DGLUCY: variants seen among roughly 807,000 people sequenced by gnomAD.
The protein encoded by DGLUCY is D-glutamate cyclase, mitochondrial.
DGLUCY carries 58 observed loss-of-function variants against 58.5 expected under a neutral mutation model. The observed-to-expected ratio is 0.99, with a 90% CI of 0.80 to 1.23. The LOEUF (loss-of-function observed/expected upper bound fraction) is 1.23, where lower values mean the gene tolerates loss of function less well. Among genes scored for constraint, DGLUCY ranks in the 50% most tolerant of loss-of-function variants. The pLI is 0.00. For missense variants in DGLUCY, 779 were observed against 784.7 expected, an observed-to-expected ratio of 0.99 and a Z score of 0.09; for synonymous variants, 325 against 314.1, an observed-to-expected ratio of 1.03 and a Z score of -0.37.
At chr14:91,112,236 C>G (rs1274360500), upstream of DGLUCY, among the ~76,000 whole-genome samples, 22 of 140,774 alleles carry the variant, frequency 1.6e-4, no homozygotes, top group Non-Finnish European at 2.0e-4. Context: ...GCAACAAGAG[C>G]AAAACTCTGT....
At chr14:91,076,941 T>A (rs1380882503) in intron 1 of DGLUCY, among the ~76,000 whole-genome samples, 1 of 152,092 alleles carries the variant, frequency 6.6e-6, no homozygotes, top group Non-Finnish European at 1.5e-5. Flanking sequence ...ATGATCAGAT[T>A]TTTGTTTCAG....
At chr14:91,205,783 CTTCTTCTTCTT>C (rs1567007726) in intron 12 of DGLUCY, among the ~76,000 whole-genome samples, 14 of 146,884 alleles carry the variant, frequency 9.5e-5, no homozygotes, top group Non-Finnish European at 1.5e-4. Context: ...TCTTCTTCTT[CTTCTTCTTCTT>C]CTCCGTCTCC....
intron 1 of DGLUCY, among the ~76,000 whole-genome samples, chr14:91,120,566 C>T (rs1282557313): frequency 6.6e-6 from 1 of 152,094 alleles, no homozygotes; most frequent in Admixed American, 6.6e-5. Context: ...CACCCACCAC[C>T]GCGCCTGGCT....
chr14:91,169,404 CTTCT>C (rs993592241), intron 4 of DGLUCY, among the ~76,000 whole-genome samples: 11 of 150,866 alleles, frequency 7.3e-5, no homozygotes, highest in East Asian at 5.9e-4. Context: ...TTTTCTTCTT[CTTCT>C]TTTTTTTTTT....
At chr14:91,101,921 G>A (rs1304155013) in intron 1 of DGLUCY, among the ~76,000 whole-genome samples, 3 of 152,134 alleles carry the variant, frequency 2.0e-5, no homozygotes, top group African/African-American at 4.8e-5. Context: ...TGAAACTCCT[G>A]GGCTCAAGCA....
chr14:91,159,549 A>T (rs1566973355), intron 2 of DGLUCY, among the ~76,000 whole-genome samples: 1 of 152,130 alleles, frequency 6.6e-6, no homozygotes, highest in Non-Finnish European at 1.5e-5. Context: ...TAAAAATCAT[A>T]TTTTTTAGCT....
At chr14:91,220,107 A>T (rs1887213404) in intron 13 of DGLUCY, among the ~76,000 whole-genome samples, 1 of 152,098 alleles carries the variant, frequency 6.6e-6, no homozygotes, top group African/African-American at 2.4e-5. Context: ...GTTTCCTAGG[A>T]CCAAGTCCTT....
At chr14:91,224,544 A>C in intron 13 of DGLUCY, 140 bp from the exon 14 acceptor site, 4 of 799,238 alleles carry the variant, frequency 5.0e-6, no homozygotes, top group Non-Finnish European at 5.7e-6. Context: ...CAATGGTATT[A>C]GTACTTTAAA....
intron 1 of DGLUCY, among the ~76,000 whole-genome samples, chr14:91,138,069 C>A (rs921070644): frequency 2.0e-5 from 3 of 152,160 alleles, no homozygotes; most frequent in Non-Finnish European, 4.4e-5. Flanking sequence ...CTGACACTTT[C>A]CTCTTTGGTC....
At chr14:91,123,949 A>G (rs1398225254) in intron 1 of DGLUCY, among the ~76,000 whole-genome samples, 1 of 132,946 alleles carries the variant, frequency 7.5e-6, no homozygotes, top group African/African-American at 2.9e-5. Context: ...TTTTTTTGAG[A>G]TGGAGTCTCA....
chr14:91,064,025 T>C (rs1401055076), intron 1 of DGLUCY, among the ~76,000 whole-genome samples: 1 of 152,216 alleles, frequency 6.6e-6, no homozygotes, highest in Non-Finnish European at 1.5e-5. Flanking sequence ...GTTTATATTT[T>C]GAACTTGAAG....
At chr14:91,146,849 G>A (rs2047040089) in intron 1 of DGLUCY, among the ~76,000 whole-genome samples, 1 of 152,102 alleles carries the variant, frequency 6.6e-6, no homozygotes, top group Admixed American at 6.6e-5. Flanking sequence ...GTACCATGGT[G>A]ATAGGTACCA....
intron 1 of DGLUCY, among the ~76,000 whole-genome samples, chr14:91,088,873 G>A (rs1403250603): frequency 5.3e-5 from 8 of 152,196 alleles, no homozygotes; most frequent in Non-Finnish European, 1.2e-4. Context: ...GCCCTCCCAA[G>A]CAAGGAAGTT....
chr14:91,163,568 G>A lies in DGLUCY; in HGVS notation c.103+3171G>A, dbSNP rs576472186. Among the ~76,000 whole-genome samples the A allele has an allele frequency of 1.2e-4, 18 of 152,262 alleles. No homozygotes were observed. In the East Asian group the frequency reaches 3.1e-3, roughly 26 times the overall value. On this transcript the variant is annotated intron_variant, in intron 3 of 13. Coordinates refer to ENST00000256324, the MANE Select transcript of DGLUCY (RefSeq NM_001102368.3). ...GGAGCTGGTCCTGGACATTCCCAGC[G>A]GATGGTTGCATCTGTTTCACTCCCC...
intron 1 of DGLUCY, among the ~76,000 whole-genome samples, chr14:91,075,229 C>G (rs2044000876): frequency 6.6e-6 from 1 of 152,026 alleles, no homozygotes; most frequent in Non-Finnish European, 1.5e-5. Context: ...TTTTTAAGGC[C>G]TCCTCTCTGA....
At chr14:91,150,077 G>C (rs1039491560) in intron 1 of DGLUCY, among the ~76,000 whole-genome samples, 7 of 152,014 alleles carry the variant, frequency 4.6e-5, no homozygotes, top group African/African-American at 1.7e-4. Flanking sequence ...AAATTAGCCA[G>C]GCATGGTGGT....
At chr14:91,113,506 TCA>T (rs2140103186), upstream of DGLUCY, among the ~76,000 whole-genome samples, 1 of 152,252 alleles carries the variant, frequency 6.6e-6, no homozygotes, top group African/African-American at 2.4e-5. Context: ...GCTTATTATC[TCA>T]GTCAATCGTC....
intron 1 of DGLUCY, among the ~76,000 whole-genome samples, chr14:91,082,251 A>G (rs2044139964): frequency 6.6e-6 from 1 of 152,176 alleles, no homozygotes; most frequent in Non-Finnish European, 1.5e-5. Flanking sequence ...GAGGAATTCC[A>G]AGATAAAAAG....
At chr14:91,100,070 A>AG (rs1366714545) in intron 1 of DGLUCY, among the ~76,000 whole-genome samples, 19 of 148,626 alleles carry the variant, frequency 1.3e-4, no homozygotes, top group Non-Finnish European at 1.9e-4. Flanking sequence ...AAAAAAAAAA[A>AG]AAAAAGAAGA....
Sources: gnomAD v4.1 joint callset for allele counts (sites outside exome capture counted in the v4.1 genomes callset) on GRCh38, gnomAD v4.1.1 for gene constraint, MANE v1.5 for transcripts, NCBI Gene and HGNC (gene_info 2026-07-23, HGNC 2026-07-21) for gene names.